The following DMC1 variants were observed in gnomAD, a reference collection of about 807,000 sequenced individuals.
DMC1 encodes the protein DNA meiotic recombinase 1.
Under a neutral mutation model 50.1 loss-of-function variants are expected in DMC1, and 27 were observed. The ratio of observed to expected loss-of-function variants is 0.54; its 90% CI spans 0.40 to 0.74. The LOEUF (loss-of-function observed/expected upper bound fraction) is 0.74, where lower values mean the gene tolerates loss of function less well. Among genes scored for constraint, DMC1 ranks in the 30% least tolerant of loss-of-function variants. DMC1 has a pLI of 0.00. For missense variants in DMC1, 295 were observed against 420.2 expected (o/e 0.70, Z 2.60); for synonymous variants, 148 against 136.1 (o/e 1.09, Z -0.61).
intron 8 of DMC1, among the ~76,000 whole-genome samples, chr22:38,544,075 T>G (rs1399138193): frequency 6.6e-6 from 1 of 152,174 alleles, no homozygotes; most frequent in African/African-American, 2.4e-5. Context: ...GAGAAAATAT[T>G]TGCAAACTAT....
chr22:38,512,692 C>G, the DMC1 span, among the ~76,000 whole-genome samples: 3 of 152,146 alleles, frequency 2.0e-5, no homozygotes, highest in Admixed American at 2.0e-4. Context: ...TCCCTGAAGG[C>G]GGCACTTGAG....
intron 5 of DMC1, among the ~76,000 whole-genome samples, chr22:38,560,263 T>G (rs1423883882): frequency 6.6e-6 from 1 of 151,858 alleles, no homozygotes; most frequent in Non-Finnish European, 1.5e-5. Flanking sequence ...GAGGAAAGAA[T>G]ATGATAGGCA....
chr22:38,510,280 C>T, the DMC1 span, among the ~76,000 whole-genome samples: 1 of 151,978 alleles, frequency 6.6e-6, no homozygotes, highest in African/African-American at 2.4e-5. Flanking sequence ...ATGGTGAAAC[C>T]CCGTCTCTAC....
intron 12 of DMC1, among the ~76,000 whole-genome samples, chr22:38,525,290 A>G (rs2090076129): frequency 2.0e-5 from 3 of 152,190 alleles, no homozygotes; most frequent in Non-Finnish European, 2.9e-5. Context: ...GATTTGTGTC[A>G]TATCTTCAAA....
intron 12 of DMC1, among the ~76,000 whole-genome samples, chr22:38,529,422 T>G (rs1410744242): frequency 6.6e-6 from 1 of 152,212 alleles, no homozygotes; most frequent in Non-Finnish European, 1.5e-5. Flanking sequence ...TTCTTCTTTT[T>G]TCCTTTTGTC....
chr22:38,533,712 G>A (rs935070196), intron 12 of DMC1, among the ~76,000 whole-genome samples: 1 of 152,100 alleles, frequency 6.6e-6, no homozygotes, highest in Non-Finnish European at 1.5e-5. Context: ...TAATATAAAT[G>A]CATGAAAGCT....
At chr22:38,533,492 G>C (rs1434170438) in intron 12 of DMC1, among the ~76,000 whole-genome samples, 2 of 151,566 alleles carry the variant, frequency 1.3e-5, no homozygotes, top group Non-Finnish European at 2.9e-5. Context: ...TTTGGAAAAT[G>C]CTTAAAGAGA....
chr22:38,564,856 G>A (rs2090565756), intron 4 of DMC1, among the ~76,000 whole-genome samples: 1 of 152,140 alleles, frequency 6.6e-6, no homozygotes, highest in Non-Finnish European at 1.5e-5. Context: ...TACACTGCCT[G>A]AGTGTACTCA....
chr22:38,562,838 C>T (rs1288935249), intron 4 of DMC1, among the ~76,000 whole-genome samples: 1 of 151,056 alleles, frequency 6.6e-6, no homozygotes, highest in East Asian at 1.9e-4. Context: ...TATACATATA[C>T]ACATATATAT....
At chr22:38,548,611 C>T (rs577147720) in intron 8 of DMC1, among the ~76,000 whole-genome samples, 7 of 152,202 alleles carry the variant, frequency 4.6e-5, no homozygotes, top group Non-Finnish European at 8.8e-5. Context: ...TGATGGCTCA[C>T]GCCTATAATT....
chr22:38,520,688 C>T (rs1955956261), intron 13 of DMC1, among the ~76,000 whole-genome samples: 1 of 151,860 alleles, frequency 6.6e-6, no homozygotes, highest in African/African-American at 2.4e-5. Context: ...TAGTGTCAGG[C>T]ATTGTATAGC....
chr22:38,546,404 C>T (rs146282977), intron 8 of DMC1, among the ~76,000 whole-genome samples: 1 of 151,792 alleles, frequency 6.6e-6, no homozygotes, highest in Non-Finnish European at 1.5e-5. Context: ...AAAAAAAACT[C>T]CAAATTGCCC....
chr22:38,553,562 A>C lies in DMC1; in HGVS notation c.380-855T>G, dbSNP rs182262810. 8.7e-4 allele frequency among the ~76,000 whole-genome samples: 129 copies of C among 148,642 alleles called. 3 individuals are homozygous for C. The East Asian group carries it at 0.02, about 23-fold the overall frequency. ...CCTGGGGTAAAGTGCGGTGACTCAC[A>C]CCTGTAATCCCAGCACTTTGGGAGG... is the stretch of plus-strand genomic sequence containing the variant. On this transcript the variant is annotated intron_variant, in intron 6 of 13. Coordinates refer to ENST00000216024, the MANE Select transcript of DMC1 (RefSeq NM_007068.4).
chr22:38,528,446 C>A (rs1004492415), intron 12 of DMC1, among the ~76,000 whole-genome samples: 2 of 151,974 alleles, frequency 1.3e-5, no homozygotes, highest in Non-Finnish European at 2.9e-5. Flanking sequence ...TCTATCCTTA[C>A]GGCAATCTTG....
intron 5 of DMC1, among the ~76,000 whole-genome samples, chr22:38,560,596 G>A (rs748694974): frequency 2.6e-4 from 39 of 152,052 alleles, no homozygotes; most frequent in Non-Finnish European, 5.3e-4. Flanking sequence ...ATATTAATAG[G>A]TGGTAGTTTA....
intron 9 of DMC1, 52 bp downstream of exon 9, chr22:38,539,269 A>G: frequency 7.8e-7 from 1 of 1,287,324 alleles, no homozygotes; most frequent in Non-Finnish European, 1.1e-6. Flanking sequence ...GTAGTAAATC[A>G]GTGCTGCCAA....
At chr22:38,532,025 G>C (rs979344510) in intron 12 of DMC1, among the ~76,000 whole-genome samples, 1 of 152,094 alleles carries the variant, frequency 6.6e-6, no homozygotes, top group South Asian at 2.1e-4. Context: ...GTTCCCTCCC[G>C]ACACCTGAAG....
the DMC1 span, among the ~76,000 whole-genome samples, chr22:38,511,262 A>G: frequency 2.0e-5 from 3 of 151,942 alleles, no homozygotes; most frequent in South Asian, 6.2e-4. Flanking sequence ...TCCAACAACC[A>G]TTCTCCCTTT....
In DMC1 at chr22:38,559,844, C is replaced by A. The variant is rs149459338; in HGVS notation, c.326+2443G>T. Among the ~76,000 whole-genome samples the A allele has an allele frequency of 3.1e-3, 465 of 151,816 alleles. 5 individuals are homozygous for A. The highest frequency in any genetic ancestry group is 0.011 in the African/African-American group (443 of 41,392). The stretch of plus-strand genomic sequence containing the variant: ...ACCAGCCTGGCCAAGATGCTGAAAC[C>A]CTGTCTCTACTAAAAGTACAAAAAT... On this transcript the variant is annotated intron_variant, in intron 5 of 13. Transcript: ENST00000216024.
Sources: allele counts gnomAD v4.1 joint callset (sites outside exome capture counted in the v4.1 genomes callset), GRCh38; gene constraint gnomAD v4.1.1; transcripts MANE v1.5; gene names NCBI Gene and HGNC (gene_info 2026-07-23, HGNC 2026-07-21).